ACOT12: variants seen among roughly 807,000 people sequenced by gnomAD.
ACOT12 encodes the protein acyl-CoA thioesterase 12, also known as acetyl-coenzyme A thioesterase.
A neutral mutation model predicts 67.7 loss-of-function variants in ACOT12; 51 were observed. The observed-to-expected ratio is 0.75, with a 90% confidence interval of 0.60 to 0.95. The LOEUF is 0.95. Among genes scored for constraint, ACOT12 ranks in the 40% least tolerant of loss-of-function variants. The pLI, the probability that ACOT12 is intolerant of heterozygous loss-of-function variation, is 0.00. For synonymous variants in ACOT12, 251 were observed against 244.6 expected (o/e 1.03, Z -0.24); for missense variants, 734 against 708.1 (o/e 1.04, Z -0.41).
Position 81,394,030 on chromosome 5 carries a change from C to CCGCGCTCAGCTCGCCG in ACOT12, c.69_84dup (p.Gly29ArgfsTer21). The CCGCGCTCAGCTCGCCG allele has an allele frequency of 1.4e-6, 2 of 1,467,662 alleles. No individual in the cohort carries two copies. The highest frequency in any genetic ancestry group is 1.8e-6 in the Non-Finnish European group (2 of 1,115,162). 90.9% of individuals were successfully genotyped at this position (1,467,662 alleles called of 1,614,324 possible). On this transcript the variant is annotated frameshift_variant, in exon 1 of 15. Coordinates refer to ENST00000307624, the MANE Select transcript of ACOT12 (RefSeq NM_130767.3). LOFTEE classifies it high-confidence loss of function. Reference sequence around the variant, plus strand: ...GTGTCGATCCACTTGAGCAGCTGCCCCGCGCTCAGCTCGCCGCGCGCAGTG... The same window carrying CCGCGCTCAGCTCGCCG: ...GTGTCGATCCACTTGAGCAGCTGCCCCGCGCTCAGCTCGCCGCGCGCTCAGCTCGCCGCGCGCAGTG...
downstream of ACOT12, among the ~76,000 whole-genome samples, chr5:81,329,778 G>T (rs1184555763): frequency 2.0e-5 from 3 of 152,188 alleles, no homozygotes; most frequent in Non-Finnish European, 2.9e-5. Context: ...TACCTTGTGT[G>T]TCTATTAGAG....
In ACOT12 at chr5:81,393,383, T is replaced by C. The variant is rs182499075; in HGVS notation, c.127+605A>G. 3.9e-5 allele frequency among the ~76,000 whole-genome samples: 6 copies of C among 152,368 alleles called. No individual in the cohort carries two copies. In the East Asian group the frequency reaches 1.2e-3, roughly 29 times the overall value. ...TAAATTTCCATTACGGTAAATGTGA[T>C]ATAAATAGCCTACATAAACAAAAGC... On this transcript the variant is annotated intron_variant, in intron 1 of 14. Transcript: ENST00000307624.
chr5:81,380,563 GAA>G (rs1400854438), intron 2 of ACOT12, among the ~76,000 whole-genome samples: 1 of 24,996 alleles, frequency 4.0e-5, no homozygotes. Flanking sequence ...GACTGTCTTA[GAA>G]AAAAAAAAAA....
intron 2 of ACOT12, among the ~76,000 whole-genome samples, chr5:81,378,584 C>G (rs1355152390): frequency 2.0e-5 from 3 of 152,076 alleles, no homozygotes; most frequent in Admixed American, 2.0e-4. Flanking sequence ...TACAATCTAT[C>G]CATCTGACAA....
At chr5:81,321,629 G>A in the ACOT12 span, among the ~76,000 whole-genome samples, 2 of 152,174 alleles carry the variant, frequency 1.3e-5, no homozygotes, top group Non-Finnish European at 2.9e-5. Context: ...AACTGAAATT[G>A]AAATTTTAAT....
At chr5:81,335,260 T>C (rs1160975221) in intron 12 of ACOT12, among the ~76,000 whole-genome samples, 2 of 152,214 alleles carry the variant, frequency 1.3e-5, no homozygotes, top group Admixed American at 6.5e-5. Flanking sequence ...AGAATTACAA[T>C]AGATGTGTGT....
At chr5:81,314,651 A>G in the ACOT12 span, among the ~76,000 whole-genome samples, 2 of 152,208 alleles carry the variant, frequency 1.3e-5, no homozygotes, top group African/African-American at 2.4e-5. Context: ...CCCAAGCACT[A>G]CTATGTTCCT....
At chr5:81,315,920 T>G in the ACOT12 span, among the ~76,000 whole-genome samples, 1 of 152,256 alleles carries the variant, frequency 6.6e-6, no homozygotes, top group Non-Finnish European at 1.5e-5. Context: ...TATTAAGTTA[T>G]TTATTATATG....
At chr5:81,381,001 G>A (rs1403621737) in intron 2 of ACOT12, among the ~76,000 whole-genome samples, 1 of 152,056 alleles carries the variant, frequency 6.6e-6, no homozygotes, top group Non-Finnish European at 1.5e-5. Context: ...TAACACAATG[G>A]TAAGTATTTG....
At chr5:81,312,023 G>T in the ACOT12 span, among the ~76,000 whole-genome samples, 2 of 152,080 alleles carry the variant, frequency 1.3e-5, no homozygotes, top group African/African-American at 2.4e-5. Flanking sequence ...ATTTAAATTT[G>T]AAAACCAAGA....
At chr5:81,340,851 C>T (rs966569447) in intron 11 of ACOT12, among the ~76,000 whole-genome samples, 16 of 152,158 alleles carry the variant, frequency 1.1e-4, no homozygotes, top group African/African-American at 3.6e-4. Context: ...TAAGTATAAT[C>T]TTTAAAGGAG....
At chr5:81,354,062 C>A (rs75202134) in intron 5 of ACOT12, among the ~76,000 whole-genome samples, 2,063 of 152,244 alleles carry the variant, frequency 0.014, 47 homozygotes, top group African/African-American at 0.046. Context: ...TTCTCTGGCA[C>A]CTTTGCTGGC....
intron 4 of ACOT12, among the ~76,000 whole-genome samples, chr5:81,361,077 CAA>C (rs71000820): frequency 5.7e-5 from 3 of 52,628 alleles, no homozygotes; most frequent in Admixed American, 2.4e-4. Flanking sequence ...GACTCCATCT[CAA>C]AAAAAAAAAA....
chr5:81,356,302 C>T (rs1759712390), intron 5 of ACOT12, among the ~76,000 whole-genome samples: 1 of 152,180 alleles, frequency 6.6e-6, no homozygotes, highest in African/African-American at 2.4e-5. Flanking sequence ...CAGTTGACCA[C>T]TTACTATTTC....
intron 1 of ACOT12, among the ~76,000 whole-genome samples, chr5:81,393,576 GC>G (rs1760918316): frequency 6.6e-6 from 1 of 152,046 alleles, no homozygotes; most frequent in South Asian, 2.1e-4. Context: ...AGTCAGCTGG[GC>G]CTGGTGGCGT....
downstream of ACOT12, among the ~76,000 whole-genome samples, chr5:81,328,944 T>C (rs1196491496): frequency 1.3e-5 from 2 of 152,298 alleles, no homozygotes; most frequent in African/African-American, 2.4e-5. Context: ...GGGGCTAGTA[T>C]GGTGGGAGAA....
chr5:81,342,674 T>C lies in ACOT12; in HGVS notation c.1126A>G (p.Lys376Glu), dbSNP rs201243215. 6.2e-7 allele frequency: 1 copy of C among 1,614,130 alleles called. No individual in the cohort carries two copies. Among genetic ancestry groups the C allele is most frequent in the African/African-American group, 1.3e-5 (1 of 75,038 alleles). Residue 376 changes from lysine to glutamate, a missense_variant and splice_region_variant, in exon 11 of 15, where the codon AAG becomes GAG. Transcript: ENST00000307624. Reference protein sequence around the residue: ...RGWEVTSTVEKIKIYTLEEHD... With the variant: ...RGWEVTSTVEEIKIYTLEEHD... The stretch of plus-strand genomic sequence containing the variant: ...GCAAATACCTGGAAGTGTCCTACCT[T>C]TTCCACAGTGCTGGTAACCTCCCAA...
At chr5:81,335,973 T>C in intron 11 of ACOT12, 72 bp from the exon 12 acceptor site, 5 of 1,460,824 alleles carry the variant, frequency 3.4e-6, no homozygotes, top group Non-Finnish European at 4.6e-6. Context: ...TATGCATATA[T>C]ATGTAGTCAT....
chr5:81,334,724 G>A (rs1414964615), intron 12 of ACOT12, among the ~76,000 whole-genome samples: 2 of 152,218 alleles, frequency 1.3e-5, no homozygotes, highest in Admixed American at 1.3e-4. Context: ...CAACTCTTCC[G>A]TGTCAACAAG....
Sources: gnomAD v4.1 joint callset for allele counts (sites outside exome capture counted in the v4.1 genomes callset) on GRCh38, gnomAD v4.1.1 for gene constraint, MANE v1.5 for transcripts, NCBI Gene and HGNC (gene_info 2026-07-23, HGNC 2026-07-21) for gene names.